Variants in NUAK1 observed in about 807,000 individuals in gnomAD.
The protein encoded by NUAK1 is NUAK family SNF1-like kinase 1.
In NUAK1, 26 loss-of-function variants were observed where a neutral mutation model predicts 56.9. That is an observed-to-expected ratio of 0.46 (90% CI 0.33 to 0.63). The LOEUF is 0.63. NUAK1 is among the 30% of genes least tolerant of loss of function. NUAK1 has a pLI of 0.02. For missense variants in NUAK1, 727 were observed against 876.1 expected, an observed-to-expected ratio of 0.83 and a Z score of 2.15; for synonymous variants, 337 against 336.0, an observed-to-expected ratio of 1.00 and a Z score of -0.03.
At chr12:106,073,225 T>A (rs3825328) in intron 4 of NUAK1, among the ~76,000 whole-genome samples, 18,629 of 152,238 alleles carry the variant, frequency 0.12, 1,743 homozygotes, top group East Asian at 0.5. Context: ...TAACTATTAA[T>A]TTAAGAATTC....
intron 1 of NUAK1, among the ~76,000 whole-genome samples, chr12:106,112,908 G>A (rs900298373): frequency 1.3e-5 from 2 of 152,150 alleles, no homozygotes; most frequent in African/African-American, 4.8e-5. Context: ...TCTGTAACTT[G>A]GTTCTCAAAC....
At chr12:106,133,461 T>G (rs1241587123) in intron 1 of NUAK1, among the ~76,000 whole-genome samples, 1 of 152,176 alleles carries the variant, frequency 6.6e-6, no homozygotes, top group Non-Finnish European at 1.5e-5. Flanking sequence ...AGGAAGGTTC[T>G]CAATTCCTCT....
At chr12:106,132,783 A>C (rs1161676294) in intron 1 of NUAK1, among the ~76,000 whole-genome samples, 1 of 151,892 alleles carries the variant, frequency 6.6e-6, no homozygotes, top group Admixed American at 6.6e-5. Context: ...CCCAACCTCA[A>C]CTCTTGCAAA....
At chr12:106,070,960 C>G in intron 5 of NUAK1, 54 bp from the exon 6 acceptor site, 1 of 1,600,580 alleles carries the variant, frequency 6.2e-7, no homozygotes, top group East Asian at 2.2e-5. Flanking sequence ...TCCCAAGATG[C>G]CTTCCAAACC....
At position 106,132,463 on chromosome 12, in the gene NUAK1, A is replaced by G. The variant is rs566525493; in HGVS notation, c.240+5951T>C. Among the ~76,000 whole-genome samples the G allele has an allele frequency of 1.6e-4, 24 of 152,308 alleles. No homozygotes were observed. In the South Asian group the frequency reaches 4.8e-3, roughly 30 times the overall value. On this transcript the variant is annotated intron_variant, in intron 1 of 6. Transcript: ENST00000261402. Reference sequence around the variant, plus strand: ...CACAGGACACAGCGACAGACAAGATACCTTGACTCAAACCCTTATCTCCTG... The same window carrying G: ...CACAGGACACAGCGACAGACAAGATGCCTTGACTCAAACCCTTATCTCCTG...
Position 106,106,490 on chromosome 12 carries a change from C to T in NUAK1, c.276G>A (p.Lys92=), listed in dbSNP as rs745894319. The T allele has an allele frequency of 3.1e-6, 5 of 1,612,812 alleles. No individual in the cohort carries two copies. Among genetic ancestry groups the T allele is most frequent in the African/African-American group, 1.3e-5 (1 of 74,978 alleles). ...AIKSIRKDKI[K]DEQDMVHIRR... ...TGATGTGAACCATGTCTTGTTCATCCTTAATTTTGTCCTTACGAATGGATT... is the reference window on the plus strand; with the variant it reads ...TGATGTGAACCATGTCTTGTTCATCTTTAATTTTGTCCTTACGAATGGATT... Residue 92 remains lysine (K), a synonymous_variant, in exon 2 of 7, where the codon AAG becomes AAA. Coordinates refer to ENST00000261402, the MANE Select transcript of NUAK1 (RefSeq NM_014840.3).
At chr12:106,077,376 A>C (rs182870300) in intron 4 of NUAK1, among the ~76,000 whole-genome samples, 2 of 152,334 alleles carry the variant, frequency 1.3e-5, no homozygotes, top group East Asian at 3.9e-4. Context: ...TAGTCCTGGG[A>C]CCAGCTGACG....
Position 106,138,379 on chromosome 12 carries a change from G to A in NUAK1, c.240+35C>T, listed in dbSNP as rs199771928. Reference sequence around the variant, plus strand: ...CTCAGTCCCCGGCCGCGTCCACCCAGCGCCCCCCGCACCCTCCAGGATTGC... The same window carrying A: ...CTCAGTCCCCGGCCGCGTCCACCCAACGCCCCCCGCACCCTCCAGGATTGC... On this transcript the variant is annotated intron_variant, in intron 1 of 6. Transcript: ENST00000261402. The surrounding 1 kb of genome is among the most constrained non-coding windows in gnomAD (Gnocchi z 5.0). The A allele has an allele frequency of 6.4e-7, 1 of 1,566,130 alleles. No individual in the cohort carries two copies. Among genetic ancestry groups the A allele is most frequent in the African/African-American group, 1.4e-5 (1 of 73,370 alleles).
In NUAK1 at chr12:106,086,827, C is replaced by G; in HGVS notation, c.420G>C (p.Leu140=). The G allele has an allele frequency of 5.6e-6, 9 of 1,614,226 alleles. No individual in the cohort carries two copies. Among genetic ancestry groups the G allele is most frequent in the Non-Finnish European group, 7.6e-6 (9 of 1,180,032 alleles). The part of the protein sequence containing the change: ...IIMEYASKGE[L]YDYISERRRL... ...GTCGCCGCTCACTGATGTAATCGTA[C>G]AGCTCCCCTTTGCTGGCATATTCCA... Residue 140 remains leucine, a synonymous_variant, in exon 3 of 7, where the codon CTG becomes CTC. Transcript: ENST00000261402.
chr12:106,086,981 C>T (rs929980599), intron 2 of NUAK1, 96 bp from the exon 3 acceptor site: 3 of 1,477,144 alleles, frequency 2.0e-6, no homozygotes, highest in Non-Finnish European at 2.8e-6. Context: ...GAGATGTCGC[C>T]AGGCAGAGGA....
chr12:106,066,699 C>T lies in NUAK1; in HGVS notation c.*103G>A, dbSNP rs1188137044. 2 of 999,988 alleles carry T rather than the reference C, an allele frequency of 2.0e-6. No homozygotes were observed. Among genetic ancestry groups the T allele is most frequent in the Admixed American group, 2.2e-5 (1 of 44,550 alleles). 61.9% of individuals were successfully genotyped at this position (999,988 alleles called of 1,614,324 possible). A position where few individuals can be genotyped will look rare whatever the true frequency, so the allele number is the denominator to read the frequency against. ...AAGTGAGACAGTGCCAATCCTTTTT[C>T]AGTCTGTTGTCACAGCCAGCAAAGA... On this transcript the variant is annotated 3_prime_UTR_variant, in exon 7 of 7. Transcript: ENST00000261402.
chr12:106,118,908 C>A (rs1592861057), intron 1 of NUAK1, among the ~76,000 whole-genome samples: 1 of 152,328 alleles, frequency 6.6e-6, no homozygotes, highest in East Asian at 1.9e-4. Flanking sequence ...ATAAGACCAT[C>A]CTTCCCAAGA....
At chr12:106,082,265 C>A (rs758066112) in intron 4 of NUAK1, among the ~76,000 whole-genome samples, 4 of 152,162 alleles carry the variant, frequency 2.6e-5, no homozygotes, top group African/African-American at 7.2e-5. Flanking sequence ...GAAACTAAAG[C>A]CTAAATCATC....
intron 2 of NUAK1, chr12:106,104,261 TC>T (rs2032777857): frequency 2.0e-5 from 3 of 152,208 alleles, no homozygotes; most frequent in Non-Finnish European, 2.9e-5. Context: ...AGATGGGGTT[TC>T]ACCATGTTGG....
At chr12:106,113,943 C>T (rs1340686902) in intron 1 of NUAK1, among the ~76,000 whole-genome samples, 1 of 152,128 alleles carries the variant, frequency 6.6e-6, no homozygotes, top group East Asian at 1.9e-4. Context: ...GACGCTAACA[C>T]AGACAATATC....
chr12:106,083,951 G>C (rs1336342276), intron 3 of NUAK1, 22 bp from the exon 4 acceptor site: 1 of 1,604,022 alleles, frequency 6.2e-7, no homozygotes, highest in Non-Finnish European at 8.5e-7. Context: ...AGACAAAGAG[G>C]GAATTGAATG....
intron 4 of NUAK1, 40 bp downstream of exon 4, chr12:106,083,824 C>A: frequency 4.4e-6 from 7 of 1,585,176 alleles, no homozygotes; most frequent in Non-Finnish European, 6.1e-6. Flanking sequence ...GGCTGCAAGA[C>A]CCAGGCCCTG....
intron 1 of NUAK1, among the ~76,000 whole-genome samples, chr12:106,129,419 G>A (rs1474826566): frequency 6.6e-6 from 1 of 152,232 alleles, no homozygotes; most frequent in Non-Finnish European, 1.5e-5. Flanking sequence ...GGGCTGCAGT[G>A]ACGAGTGAGA....
Position 106,129,495 on chromosome 12 carries a change from A to T in NUAK1, c.240+8919T>A, listed in dbSNP as rs554772944. Among the ~76,000 whole-genome samples, 65 of 152,302 alleles carry T rather than the reference A, an allele frequency of 4.3e-4. No individual in the cohort carries two copies. In the Middle Eastern group the frequency reaches 0.017, roughly 40 times the overall value. ...ATGGAGCCTACAAATAGTCCAACAC[A>T]CACTCTCCATGTGCTCACAAGGACA... is the stretch of plus-strand genomic sequence containing the variant. On this transcript the variant is annotated intron_variant, in intron 1 of 6. Transcript: ENST00000261402.
Sources: gnomAD v4.1 joint callset for allele counts (sites outside exome capture counted in the v4.1 genomes callset) on GRCh38, gnomAD v4.1.1 for gene constraint, Gnocchi (gnomAD v3.1) non-coding constraint, MANE v1.5 for transcripts, NCBI Gene and HGNC (gene_info 2026-07-23, HGNC 2026-07-21) for gene names.